Variants in IMMP2L observed in about 807,000 individuals in gnomAD.
The protein encoded by IMMP2L is inner mitochondrial membrane peptidase subunit 2, also known as mitochondrial inner membrane protease subunit 2.
IMMP2L carries 18 observed loss-of-function variants against 19.3 expected under a neutral mutation model. The ratio of observed to expected loss-of-function variants is 0.93; its 90% CI spans 0.64 to 1.38. The LOEUF (loss-of-function observed/expected upper bound fraction) is 1.38, where lower values mean the gene tolerates loss of function less well. IMMP2L is among the 40% of genes most tolerant of loss of function. The probability of loss-of-function intolerance (pLI) is 0.00; values close to 1 mark genes in which losing one functional copy is unlikely to be tolerated. For synonymous variants in IMMP2L, 76 were observed against 73.0 expected (o/e 1.04, Z -0.21); for missense variants, 233 against 218.2 (o/e 1.07, Z -0.43).
At chr7:111,094,545 A>G (rs1253972983) in intron 3 of IMMP2L, among the ~76,000 whole-genome samples, 1 of 152,160 alleles carries the variant, frequency 6.6e-6, no homozygotes, top group Admixed American at 6.6e-5. Flanking sequence ...ACATGAAACT[A>G]AATAAAGCAG....
chr7:111,015,503 A>G (rs13246968), intron 3 of IMMP2L, among the ~76,000 whole-genome samples: 17 of 152,256 alleles, frequency 1.1e-4, no homozygotes, highest in Non-Finnish European at 2.2e-4. Flanking sequence ...GAATATACTT[A>G]ACACTACTAA....
At chr7:110,911,325 T>C (rs913401904) in intron 4 of IMMP2L, among the ~76,000 whole-genome samples, 1 of 152,116 alleles carries the variant, frequency 6.6e-6, no homozygotes, top group Non-Finnish European at 1.5e-5. Context: ...AAAAATATAT[T>C]ACAAAATGTA....
At chr7:111,552,291 G>A (rs11773525) in intron 1 of IMMP2L, among the ~76,000 whole-genome samples, 120,876 of 152,034 alleles carry the variant, frequency 0.8, 49,940 homozygotes, top group East Asian at 0.97. Flanking sequence ...TTTTTGTTTT[G>A]TTTTGTTTTG....
chr7:110,955,032 T>C (rs1333042156), intron 4 of IMMP2L, among the ~76,000 whole-genome samples: 1 of 151,998 alleles, frequency 6.6e-6, no homozygotes, highest in Admixed American at 6.6e-5. Context: ...ATAATGCGTT[T>C]TTTAATCGAC....
chr7:110,932,553 A>T (rs1420983352), intron 4 of IMMP2L, among the ~76,000 whole-genome samples: 1 of 152,010 alleles, frequency 6.6e-6, no homozygotes, highest in Non-Finnish European at 1.5e-5. Flanking sequence ...ACGGGGTTTC[A>T]CCATGTTAGC....
intron 3 of IMMP2L, among the ~76,000 whole-genome samples, chr7:111,343,413 C>G (rs1827221896): frequency 6.6e-6 from 1 of 152,062 alleles, no homozygotes; most frequent in African/African-American, 2.4e-5. Context: ...TAATCACAAG[C>G]TATCACCTCT....
At chr7:111,365,178 C>CAGTG in intron 3 of IMMP2L, among the ~76,000 whole-genome samples, 1 of 152,196 alleles carries the variant, frequency 6.6e-6, no homozygotes, top group Admixed American at 6.6e-5. Context: ...TAATACCCCG[C>CAGTG]AGTGGCCTTT....
chr7:111,120,533 G>A (rs1261753950), intron 3 of IMMP2L, among the ~76,000 whole-genome samples: 1 of 152,134 alleles, frequency 6.6e-6, no homozygotes, highest in East Asian at 1.9e-4. Context: ...GATGAGATTT[G>A]GGCGGGGACA....
At chr7:110,788,550 C>T (rs1800242120) in intron 5 of IMMP2L, among the ~76,000 whole-genome samples, 1 of 151,714 alleles carries the variant, frequency 6.6e-6, no homozygotes, top group Non-Finnish European at 1.5e-5. Flanking sequence ...CCTCATCCAG[C>T]TCCGTGCTTT....
chr7:110,884,833 T>C (rs1195346673), intron 5 of IMMP2L, among the ~76,000 whole-genome samples: 2 of 152,140 alleles, frequency 1.3e-5, no homozygotes, highest in African/African-American at 2.4e-5. Context: ...AAGGCCTTAG[T>C]AGTATTTATT....
intron 5 of IMMP2L, among the ~76,000 whole-genome samples, chr7:110,734,013 G>C (rs557526852): frequency 2.0e-5 from 3 of 152,268 alleles, no homozygotes; most frequent in South Asian, 4.1e-4. Context: ...ACAGTAGCAT[G>C]AATAGACTGA....
chr7:111,458,517 G>A (rs1839872244), intron 3 of IMMP2L, among the ~76,000 whole-genome samples: 2 of 151,938 alleles, frequency 1.3e-5, no homozygotes, highest in South Asian at 4.2e-4. Flanking sequence ...CAATAAAATT[G>A]TTCCTCCTAT....
intron 4 of IMMP2L, among the ~76,000 whole-genome samples, chr7:110,933,707 C>A (rs1815757204): frequency 6.6e-6 from 1 of 152,076 alleles, no homozygotes; most frequent in African/African-American, 2.4e-5. Context: ...TGCCTGTGGG[C>A]TCTAACTTTT....
intron 5 of IMMP2L, among the ~76,000 whole-genome samples, chr7:110,806,577 G>T (rs1801652977): frequency 6.6e-6 from 1 of 151,512 alleles, no homozygotes; most frequent in Admixed American, 6.6e-5. Flanking sequence ...ATCTTCAAAG[G>T]GAAAAATTCC....
At chr7:110,922,790 T>C (rs1160278020) in intron 4 of IMMP2L, among the ~76,000 whole-genome samples, 1 of 152,136 alleles carries the variant, frequency 6.6e-6, no homozygotes, top group African/African-American at 2.4e-5. Context: ...GCTTCAAATG[T>C]ATATCATGAG....
rs144040182 is a variant in IMMP2L, at chr7:111,007,034, T to C, written c.240-43469A>G. Among the ~76,000 whole-genome samples, 267 of 152,208 alleles carry C rather than the reference T, an allele frequency of 1.8e-3. 1 individual carries two copies. Among genetic ancestry groups the C allele is most frequent in the African/African-American group, 5.3e-3 (219 of 41,556 alleles). ...TCAGTTTTCACTCTGCTATAAAGAATTTCCCTGAGACTGAGTAATTTATCA... is the reference window on the plus strand; with the variant it reads ...TCAGTTTTCACTCTGCTATAAAGAACTTCCCTGAGACTGAGTAATTTATCA... On this transcript the variant is annotated intron_variant, in intron 3 of 5. Transcript: ENST00000405709.
At chr7:110,911,032 T>A (rs773970372) in intron 4 of IMMP2L, among the ~76,000 whole-genome samples, 2 of 152,168 alleles carry the variant, frequency 1.3e-5, no homozygotes, top group Non-Finnish European at 2.9e-5. Context: ...TACTCTTCAA[T>A]ATATGTGAAG....
chr7:110,786,674 T>G (rs1434554305), intron 5 of IMMP2L, among the ~76,000 whole-genome samples: 1 of 152,016 alleles, frequency 6.6e-6, no homozygotes, highest in Non-Finnish European at 1.5e-5. Flanking sequence ...TTACCACAAA[T>G]TGGCGAACAA....
At chr7:110,847,572 A>G (rs1409061601) in intron 5 of IMMP2L, among the ~76,000 whole-genome samples, 1 of 152,208 alleles carries the variant, frequency 6.6e-6, no homozygotes, top group Non-Finnish European at 1.5e-5. Context: ...AACTGATTCT[A>G]AAGTGTACCT....
Sources: gnomAD v4.1 joint callset for allele counts (sites outside exome capture counted in the v4.1 genomes callset) on GRCh38, gnomAD v4.1.1 for gene constraint, MANE v1.5 for transcripts, NCBI Gene and HGNC (gene_info 2026-07-23, HGNC 2026-07-21) for gene names.